Variants in PIF1 observed in about 807,000 individuals in gnomAD.
PIF1 encodes the protein ATP-dependent DNA helicase PIF1.
Under a neutral mutation model 62.3 loss-of-function variants are expected in PIF1, and 67 were observed. The ratio of observed to expected loss-of-function variants is 1.08; its 90% CI spans 0.88 to 1.32. The LOEUF (loss-of-function observed/expected upper bound fraction) is 1.32, where lower values mean the gene tolerates loss of function less well. Ranked by LOEUF, PIF1 falls within the 40% of genes most tolerant of loss-of-function variation. The probability of loss-of-function intolerance (pLI) is 0.00; values close to 1 mark genes in which losing one functional copy is unlikely to be tolerated. For missense variants in PIF1, 886 were observed against 866.1 expected (o/e 1.02, Z -0.29); for synonymous variants, 364 against 379.5 (o/e 0.96, Z 0.47).
rs1209177297 is a variant in PIF1, at chr15:64,819,101, C to T, written c.1440+16G>A. 3 of 1,568,454 alleles carry T rather than the reference C, an allele frequency of 1.9e-6. No individual in the cohort carries two copies. In the East Asian group the frequency reaches 7.0e-5, roughly 37 times the overall value. On this transcript the variant is annotated intron_variant, in intron 9 of 12. Transcript: ENST00000559239. The stretch of plus-strand genomic sequence containing the variant: ...CAGCCCAAGCTCCCAGGGGCTAGGC[C>T]CTGCTTCCCACTCACCTGGGCCCCC...
At chr15:64,820,959 C>G in intron 7 of PIF1, 23 bp downstream of exon 7, 2 of 1,605,608 alleles carry the variant, frequency 1.2e-6, no homozygotes, top group Non-Finnish European at 1.7e-6. Context: ...CCCATAGCCC[C>G]TTCCCCAACC....
intron 9 of PIF1, 67 bp from the exon 10 acceptor site, chr15:64,818,411 C>A (rs1279501194): frequency 1.3e-6 from 2 of 1,484,928 alleles, no homozygotes; most frequent in African/African-American, 2.8e-5. Context: ...TTCGCCATGG[C>A]TGTTCTCAGA....
At chr15:64,818,631 T>C (rs1402964264) in intron 9 of PIF1, 2 of 433,152 alleles carry the variant, frequency 4.6e-6, no homozygotes, top group African/African-American at 2.0e-5. Flanking sequence ...TTGAAAATGA[T>C]TGGCTTGGTT....
chr15:64,821,896 T>A (rs541198102), intron 4 of PIF1: 74 of 283,914 alleles, frequency 2.6e-4, no homozygotes, highest in African/African-American at 1.5e-3. Context: ...CTTGCCACCA[T>A]GCCTGGCTAA....
At chr15:64,817,468 C>T (rs1440014136) in intron 11 of PIF1, among the ~76,000 whole-genome samples, 11 of 151,790 alleles carry the variant, frequency 7.2e-5, no homozygotes, top group African/African-American at 2.2e-4. Context: ...TGGTGTGAAC[C>T]TGGGAGGCGG....
chr15:64,816,665 C>A lies in PIF1; in HGVS notation c.1775G>T (p.Arg592Leu). 1 of 1,614,042 alleles carries A rather than the reference C, an allele frequency of 6.2e-7. No individual in the cohort carries two copies. ...CGCCATGGGGTCAAAGTCCAGCACACGTAGGCCCTGCAGGCTGCGGGCCCG... is the reference window on the plus strand; with the variant it reads ...CGCCATGGGGTCAAAGTCCAGCACAAGTAGGCCCTGCAGGCTGCGGGCCCG... ...LSRARSLQGL[R>L]VLDFDPMAVR... The change falls in exon 12 of 13, where the codon CGT becomes CTT. Residue 592 changes from arginine to leucine, a missense_variant. Coordinates refer to ENST00000559239, the MANE Select transcript of PIF1 (RefSeq NM_001286496.2).
At chr15:64,818,386 A>C in intron 9 of PIF1, 42 bp from the exon 10 acceptor site, 4 of 1,586,234 alleles carry the variant, frequency 2.5e-6, no homozygotes, top group Non-Finnish European at 3.5e-6. Context: ...CCCCCTACCC[A>C]TGCCTGGTCT....
upstream of PIF1, among the ~76,000 whole-genome samples, chr15:64,826,643 TATATATATATATATATATATATACAC>T (rs1240076066): frequency 0.042 from 1,310 of 31,230 alleles, 80 homozygotes; most frequent in African/African-American, 0.11. Context: ...TATATATATA[TATATATATATATATATATATATACAC>T]ACACACACAC....
upstream of PIF1, among the ~76,000 whole-genome samples, chr15:64,825,969 C>T (rs746871200): frequency 2.2e-4 from 33 of 152,154 alleles, no homozygotes; most frequent in Middle Eastern, 3.2e-3. Flanking sequence ...CCTTCCAGCA[C>T]ACTCCCTCTC....
chr15:64,817,323 C>T (rs546952261), intron 11 of PIF1, among the ~76,000 whole-genome samples: 4 of 151,932 alleles, frequency 2.6e-5, no homozygotes, highest in East Asian at 1.9e-4. Context: ...GAGGCCGAGG[C>T]GGGCAGATGA....
chr15:64,823,626 A>T (rs1717168350), intron 2 of PIF1, 152 bp downstream of exon 2: 7 of 479,486 alleles, frequency 1.5e-5, no homozygotes, highest in Non-Finnish European at 2.4e-5. Flanking sequence ...TAACAACCAC[A>T]GGCACAATTC....
At position 64,822,252 on chromosome 15, in the gene PIF1, G is replaced by A. The variant is rs759387175; in HGVS notation, c.817+14C>T. On this transcript the variant is annotated intron_variant, in intron 4 of 12. Coordinates refer to ENST00000559239, the MANE Select transcript of PIF1 (RefSeq NM_001286496.2). ...GGCTTGCTCTTAGCTCAAGCCCTAG[G>A]GGTTCCTACTTACCTGCAAAGGCAT... 7 of 1,609,424 alleles carry A rather than the reference G, an allele frequency of 4.3e-6. No homozygotes were observed. The highest frequency in any genetic ancestry group is 1.7e-5 in the Admixed American group (1 of 58,018).
chr15:64,819,941 G>T lies in PIF1; in HGVS notation c.1239C>A (p.His413Gln). ...CCACAATCCCATCTCGCCCCACCTT[G>T]TGGGAAGCTGTGGCCTGGAGCTGGC... ...VTRQLQATAS[H>Q]KVGRDGIVAT... Residue 413 changes from histidine to glutamine, a missense_variant, in exon 8 of 13, where the codon CAC becomes CAA. By Grantham distance (24) the His-to-Gln change is conservative. Coordinates refer to ENST00000559239, the MANE Select transcript of PIF1 (RefSeq NM_001286496.2). The T allele has an allele frequency of 6.2e-7, 1 of 1,614,094 alleles. No individual in the cohort carries two copies. The highest frequency in any genetic ancestry group is 8.5e-7 in the Non-Finnish European group (1 of 1,180,034).
Position 64,816,232 on chromosome 15 carries a change from G to A in PIF1, c.*66C>T. On this transcript the variant is annotated 3_prime_UTR_variant, in exon 13 of 13. Transcript: ENST00000559239. The stretch of plus-strand genomic sequence containing the variant: ...CTCCAGTTATTCCCTGGGGCCCTGG[G>A]CCACTAGGGAGCAGGAGGACGGGGA... 2 of 1,607,364 alleles carry A rather than the reference G, an allele frequency of 1.2e-6. No homozygotes were observed. Among genetic ancestry groups the A allele is most frequent in the Non-Finnish European group, 1.7e-6 (2 of 1,177,388 alleles).
chr15:64,820,821 C>T (rs190617102), intron 7 of PIF1, among the ~76,000 whole-genome samples, 161 bp downstream of exon 7: 12 of 152,332 alleles, frequency 7.9e-5, no homozygotes, highest in African/African-American at 2.9e-4. Context: ...ACAATCCATC[C>T]TGAGTTGTCC....
Position 64,815,674 on chromosome 15 carries a change from A to G in PIF1, c.*624T>C, listed in dbSNP as rs1190497663. ...AGTTTATTTGTCCGAAATAAATACA[A>G]CCTGAGAACATCCATTTCAATGTCC... On this transcript the variant is annotated 3_prime_UTR_variant, in exon 13 of 13. Transcript: ENST00000559239. 1.9e-6 allele frequency: 3 copies of G among 1,540,520 alleles called. No individual in the cohort carries two copies. The highest frequency in any genetic ancestry group is 4.9e-5 in the East Asian group (2 of 40,846).
chr15:64,820,074 T>A (rs1001747714), intron 7 of PIF1, 88 bp from the exon 8 acceptor site: 2 of 1,515,484 alleles, frequency 1.3e-6, no homozygotes, highest in South Asian at 2.5e-5. Context: ...CAGCAGGCCA[T>A]GGGTCAGGCC....
intron 1 of PIF1, among the ~76,000 whole-genome samples, chr15:64,825,302 C>T (rs1408632877): frequency 6.6e-6 from 1 of 152,158 alleles, no homozygotes; most frequent in African/African-American, 2.4e-5. Flanking sequence ...GCAGGTCTCA[C>T]TCTTCCCCGT....
In PIF1 at chr15:64,824,344, C is replaced by T. The variant is rs530219722; in HGVS notation, c.-9G>A. The T allele has an allele frequency of 1.6e-6, 2 of 1,247,976 alleles. No homozygotes were observed. Among genetic ancestry groups the T allele is most frequent in the East Asian group, 3.1e-5 (1 of 32,242 alleles). 77.3% of individuals were successfully genotyped at this position (1,247,976 alleles called of 1,614,324 possible). A position where few individuals can be genotyped will look rare whatever the true frequency, so the allele number is the denominator to read the frequency against. The stretch of plus-strand genomic sequence containing the variant: ...TCTATGCCCGAGAGCATCGTCACCG[C>T]CTCTGCTGGTCTGCGAAGACACCGG... On this transcript the variant is annotated 5_prime_UTR_variant, in exon 2 of 13. Transcript: ENST00000559239.
Sources: allele counts gnomAD v4.1 joint callset (sites outside exome capture counted in the v4.1 genomes callset), GRCh38; gene constraint gnomAD v4.1.1; transcripts MANE v1.5; gene names NCBI Gene and HGNC (gene_info 2026-07-23, HGNC 2026-07-21).